SLC25A21: variants seen among roughly 807,000 people sequenced by gnomAD.
The protein encoded by SLC25A21 is solute carrier family 25 member 21.
Under a neutral mutation model 43.8 loss-of-function variants are expected in SLC25A21, and 47 were observed. The ratio of observed to expected loss-of-function variants is 1.07; its 90% CI spans 0.85 to 1.37. SLC25A21 has a LOEUF of 1.37. SLC25A21 is among the 40% of genes most tolerant of loss of function. SLC25A21 has a pLI of 0.00. For synonymous variants in SLC25A21, 131 were observed against 121.3 expected, an observed-to-expected ratio of 1.08 and a Z score of -0.52; for missense variants, 352 against 350.2, an observed-to-expected ratio of 1.00 and a Z score of -0.04.
At chr14:37,137,049 G>A (rs2138914170) in intron 1 of SLC25A21, among the ~76,000 whole-genome samples, 1 of 152,296 alleles carries the variant, frequency 6.6e-6, no homozygotes, top group Non-Finnish European at 1.5e-5. Context: ...CGCCCAGGCT[G>A]GGGTGCAGTG....
Position 37,034,695 on chromosome 14 carries a change from T to C in SLC25A21, c.70+137586A>G, listed in dbSNP as rs868846998. 9.8e-5 allele frequency among the ~76,000 whole-genome samples: 15 copies of C among 152,350 alleles called. No homozygotes were observed. The Middle Eastern group carries it at 0.014, about 138-fold the overall frequency. On this transcript the variant is annotated intron_variant, in intron 1 of 9. Coordinates refer to ENST00000331299, the MANE Select transcript of SLC25A21 (RefSeq NM_030631.4). The stretch of plus-strand genomic sequence containing the variant: ...TCTTCGCCTCCACAGCCACAATTTA[T>C]TCATCCCAGAGTACACTCAACCATC...
chr14:36,868,932 G>C (rs1890290056), intron 2 of SLC25A21, among the ~76,000 whole-genome samples: 1 of 152,148 alleles, frequency 6.6e-6, no homozygotes, highest in South Asian at 2.1e-4. Flanking sequence ...TGCATCCTGA[G>C]GCTCCATCTC....
In SLC25A21 at chr14:36,860,418, G is replaced by A. The variant is rs137982630; in HGVS notation, c.119+14538C>T. ...ATGCCCTCAGTTTCCAGGTTGGGGA[G>A]TGAAGTCCCAGAGCAGCTCCATTGA... is the stretch of plus-strand genomic sequence containing the variant. On this transcript the variant is annotated intron_variant, in intron 2 of 9. Coordinates refer to ENST00000331299, the MANE Select transcript of SLC25A21 (RefSeq NM_030631.4). 3.8e-3 allele frequency among the ~76,000 whole-genome samples: 576 copies of A among 152,306 alleles called. 2 individuals are homozygous for A. The highest frequency in any genetic ancestry group is 6.3e-3 in the Non-Finnish European group (426 of 68,016).
At chr14:36,807,776 C>A (rs1442435697) in intron 3 of SLC25A21, among the ~76,000 whole-genome samples, 1 of 152,156 alleles carries the variant, frequency 6.6e-6, no homozygotes, top group African/African-American at 2.4e-5. Flanking sequence ...GTGGGCATCA[C>A]ACTTCCTTTG....
At position 36,946,493 on chromosome 14, in the gene SLC25A21, A is replaced by C. The variant is rs112656514; in HGVS notation, c.71-71489T>G. The stretch of plus-strand genomic sequence containing the variant: ...GTAAATAATAGCAATAGTAATTCCA[A>C]TGAAAGTTTAGTGTTTGTGTCCTTA... On this transcript the variant is annotated intron_variant, in intron 1 of 9. Transcript: ENST00000331299. Among the ~76,000 whole-genome samples the C allele has an allele frequency of 1.9e-3, 287 of 152,302 alleles. 2 individuals are homozygous for C. Among genetic ancestry groups the C allele is most frequent in the African/African-American group, 6.4e-3 (265 of 41,574 alleles).
chr14:36,711,677 G>T (rs1370054137), intron 6 of SLC25A21, among the ~76,000 whole-genome samples, 195 bp from the exon 7 acceptor site: 1 of 152,150 alleles, frequency 6.6e-6, no homozygotes, highest in Non-Finnish European at 1.5e-5. Flanking sequence ...ATAAAAACAG[G>T]CTTTATAGAA....
At chr14:36,793,057 T>C (rs546939751) in intron 3 of SLC25A21, among the ~76,000 whole-genome samples, 11 of 152,318 alleles carry the variant, frequency 7.2e-5, no homozygotes, top group Admixed American at 6.5e-5. Context: ...ATTACTTTTT[T>C]ATTATTTTTC....
chr14:36,680,262 A>G lies in SLC25A21; in HGVS notation c.*396T>C. The G allele has an allele frequency of 3.1e-6, 3 of 956,164 alleles. No individual in the cohort carries two copies. The highest frequency in any genetic ancestry group is 3.7e-6 in the Non-Finnish European group (3 of 804,360). The allele number at this position is 956,164 out of a possible 1,614,324, so 59.2% of individuals were successfully genotyped here. A position where few individuals can be genotyped will look rare whatever the true frequency, so the allele number is the denominator to read the frequency against. On this transcript the variant is annotated 3_prime_UTR_variant, in exon 10 of 10. Transcript: ENST00000331299. The stretch of plus-strand genomic sequence containing the variant: ...TTTAATCCAGTCTTTGAATAATTTG[A>G]TTTATTTTCAATAGTTTAAGCATTT...
At chr14:36,889,027 T>C (rs978143368) in intron 1 of SLC25A21, among the ~76,000 whole-genome samples, 2 of 152,238 alleles carry the variant, frequency 1.3e-5, no homozygotes, top group African/African-American at 4.8e-5. Flanking sequence ...TTATATTTGC[T>C]GATGACCTGG....
chr14:37,133,668 A>G (rs1369633541), intron 1 of SLC25A21, among the ~76,000 whole-genome samples: 2 of 151,354 alleles, frequency 1.3e-5, no homozygotes, highest in African/African-American at 4.9e-5. Flanking sequence ...ACCCACCTCT[A>G]TAACTCCATT....
intron 7 of SLC25A21, among the ~76,000 whole-genome samples, chr14:36,687,560 G>A (rs996546870): frequency 6.6e-6 from 1 of 152,182 alleles, no homozygotes; most frequent in African/African-American, 2.4e-5. Flanking sequence ...TGCTTGGGAT[G>A]GCCATGAGGC....
intron 1 of SLC25A21, among the ~76,000 whole-genome samples, chr14:37,141,753 C>T (rs1963574422): frequency 6.6e-6 from 1 of 152,136 alleles, no homozygotes; most frequent in East Asian, 1.9e-4. Context: ...CTATATGTCA[C>T]TTTTTATATT....
At chr14:36,992,493 T>C (rs1182521677) in intron 1 of SLC25A21, among the ~76,000 whole-genome samples, 2 of 152,202 alleles carry the variant, frequency 1.3e-5, no homozygotes, top group East Asian at 1.9e-4. Context: ...GGCGCCTTTT[T>C]ACATCTGGCT....
chr14:36,998,448 A>T (rs938267524), intron 1 of SLC25A21, among the ~76,000 whole-genome samples: 19 of 152,166 alleles, frequency 1.2e-4, no homozygotes. Context: ...TGACAAGATG[A>T]ATCTGGAATA....
Position 36,875,089 on chromosome 14 carries a change from AG to A in SLC25A21, c.71-86del, listed in dbSNP as rs1402539128. On this transcript the variant is annotated intron_variant, in intron 1 of 9. Coordinates refer to ENST00000331299, the MANE Select transcript of SLC25A21 (RefSeq NM_030631.4). ...TGATCCCGTCGATTTCTCGAGTGTG[AG>A]GGTTCAGATAAAGAACTTGGGACTT... 1.6e-4 allele frequency: 174 copies of A among 1,115,804 alleles called. 1 individual carries two copies. The highest frequency in any genetic ancestry group is 1.0e-3 in the South Asian group (70 of 69,058). The allele number at this position is 1,115,804 out of a possible 1,614,324, so 69.1% of individuals were successfully genotyped here.
intron 3 of SLC25A21, among the ~76,000 whole-genome samples, chr14:36,798,772 G>C (rs1261909602): frequency 1.3e-5 from 2 of 152,060 alleles, no homozygotes; most frequent in Non-Finnish European, 2.9e-5. Flanking sequence ...GTACACTTCA[G>C]GGAACTATGT....
At chr14:37,097,254 C>T (rs1050499966) in intron 1 of SLC25A21, 1 of 151,740 alleles carries the variant, frequency 6.6e-6, no homozygotes, top group Non-Finnish European at 1.5e-5. Flanking sequence ...GTGTGCACCA[C>T]CCCACCCAGC....
At chr14:36,764,049 AAAG>A (rs1299098091) in intron 3 of SLC25A21, among the ~76,000 whole-genome samples, 7 of 41,918 alleles carry the variant, frequency 1.7e-4, no homozygotes, top group African/African-American at 7.2e-4. Context: ...AGAAAGAAAG[AAAG>A]AAAGAAAGAA....
chr14:36,743,764 T>C (rs1387095525), intron 3 of SLC25A21, among the ~76,000 whole-genome samples: 2 of 152,094 alleles, frequency 1.3e-5, no homozygotes, highest in Non-Finnish European at 2.9e-5. Context: ...AGTCAAATGA[T>C]CTCTCACTGA....
Sources: gnomAD v4.1 joint callset for allele counts (sites outside exome capture counted in the v4.1 genomes callset) on GRCh38, gnomAD v4.1.1 for gene constraint, MANE v1.5 for transcripts, NCBI Gene and HGNC (gene_info 2026-07-23, HGNC 2026-07-21) for gene names.